FAM53A: variants seen among roughly 807,000 people sequenced by gnomAD.
FAM53A encodes protein FAM53A.
Under a neutral mutation model 26.6 loss-of-function variants are expected in FAM53A, and 28 were observed. That is an observed-to-expected ratio of 1.05 (90% CI 0.78 to 1.45). The LOEUF (loss-of-function observed/expected upper bound fraction) is 1.45, where lower values mean the gene tolerates loss of function less well. FAM53A is among the 40% of genes most tolerant of loss of function. The pLI is 0.00. For missense variants in FAM53A, 650 were observed against 575.8 expected, an observed-to-expected ratio of 1.13 and a Z score of -1.32; for synonymous variants, 290 against 253.1, an observed-to-expected ratio of 1.15 and a Z score of -1.38.
intron 2 of FAM53A, among the ~76,000 whole-genome samples, chr4:1,661,584 C>CCCCA (rs1713838854): frequency 6.6e-6 from 1 of 151,372 alleles, no homozygotes; most frequent in Non-Finnish European, 1.5e-5. Context: ...GAGATGCTGG[C>CCCCA]CCCACCCACC....
At chr4:1,679,066 G>C (rs925030711) in intron 1 of FAM53A, among the ~76,000 whole-genome samples, 1 of 152,124 alleles carries the variant, frequency 6.6e-6, no homozygotes, top group Non-Finnish European at 1.5e-5. Context: ...AAAAGACACT[G>C]TCAAGAGAAT....
the FAM53A span, among the ~76,000 whole-genome samples, chr4:1,582,210 T>G: frequency 2.0e-5 from 3 of 152,162 alleles, no homozygotes; most frequent in African/African-American, 7.2e-5. Context: ...ACTACTGATA[T>G]GATAAGAAGG....
chr4:1,615,507 G>A (rs562765668), downstream of FAM53A, among the ~76,000 whole-genome samples: 165 of 137,602 alleles, frequency 1.2e-3, no homozygotes, highest in Non-Finnish European at 2.1e-3. Context: ...GGGCACGCAC[G>A]GAAGACAGGA....
chr4:1,590,998 A>ATATATATG, the FAM53A span, among the ~76,000 whole-genome samples: 1 of 125,522 alleles, frequency 8.0e-6, no homozygotes, highest in South Asian at 2.4e-4. Flanking sequence ...ATATATATAT[A>ATATATATG]TATAATCATT....
intron 1 of FAM53A, among the ~76,000 whole-genome samples, chr4:1,626,064 G>A (rs1404541054): frequency 2.0e-5 from 3 of 152,204 alleles, no homozygotes; most frequent in African/African-American, 7.2e-5. Context: ...CTGCCAGGGT[G>A]CAGGGGAAGT....
At chr4:1,629,852 C>A (rs1376406754) in intron 1 of FAM53A, among the ~76,000 whole-genome samples, 1 of 151,230 alleles carries the variant, frequency 6.6e-6, no homozygotes, top group Admixed American at 6.6e-5. Context: ...ATCTCTGTGG[C>A]CAGAGGGCTG....
chr4:1,634,224 A>C (rs1715738935), intron 1 of FAM53A, among the ~76,000 whole-genome samples: 1 of 152,178 alleles, frequency 6.6e-6, no homozygotes, highest in Non-Finnish European at 1.5e-5. Context: ...TGCTTCGTGC[A>C]AACAGGACTC....
the FAM53A span, among the ~76,000 whole-genome samples, chr4:1,596,520 C>CA: frequency 3.3e-5 from 5 of 152,014 alleles, no homozygotes; most frequent in Non-Finnish European, 7.4e-5. Context: ...CCTGGCCCTC[C>CA]ACTGCCCACC....
chr4:1,657,637 G>A (rs1405107070), intron 2 of FAM53A, among the ~76,000 whole-genome samples, 169 bp from the exon 3 acceptor site: 1 of 152,080 alleles, frequency 6.6e-6, no homozygotes, highest in Admixed American at 6.6e-5. Context: ...CTGAGTAAAT[G>A]GACAATTTTT....
intron 3 of FAM53A, among the ~76,000 whole-genome samples, chr4:1,657,167 G>A (rs1467482394): frequency 6.6e-6 from 1 of 152,168 alleles, no homozygotes; most frequent in African/African-American, 2.4e-5. Context: ...AGCTGAGGAG[G>A]GAGAGACCTG....
chr4:1,632,903 G>C (rs760176168), intron 1 of FAM53A, among the ~76,000 whole-genome samples: 3 of 152,230 alleles, frequency 2.0e-5, no homozygotes, highest in Non-Finnish European at 4.4e-5. Context: ...TGCAGAAAAT[G>C]TAGGCACACA....
the FAM53A span, among the ~76,000 whole-genome samples, chr4:1,598,984 G>A: frequency 1.3e-5 from 2 of 152,272 alleles, no homozygotes; most frequent in Admixed American, 6.5e-5. Context: ...TCTCTGTAGC[G>A]TGCGCAGGGG....
intron 1 of FAM53A, among the ~76,000 whole-genome samples, chr4:1,681,870 A>G (rs1375000613): frequency 6.6e-6 from 1 of 152,158 alleles, no homozygotes; most frequent in Non-Finnish European, 1.5e-5. Context: ...AGGCTGCACC[A>G]TATCACCACA....
chr4:1,632,340 T>C (rs985803611), intron 1 of FAM53A, among the ~76,000 whole-genome samples: 3 of 152,012 alleles, frequency 2.0e-5, no homozygotes, highest in African/African-American at 4.8e-5. Context: ...GACAGGGAGA[T>C]AGTGGCCGCC....
chr4:1,602,427 A>C, the FAM53A span, among the ~76,000 whole-genome samples: 1 of 152,244 alleles, frequency 6.6e-6, no homozygotes, highest in Non-Finnish European at 1.5e-5. Context: ...GCTGCGGCAA[A>C]TGAAATGGTG....
chr4:1,619,465 G>A (rs1461405405), intron 1 of FAM53A, among the ~76,000 whole-genome samples: 10 of 152,196 alleles, frequency 6.6e-5, no homozygotes, highest in Admixed American at 6.5e-4. Flanking sequence ...GCCCACTTCA[G>A]GACTGGCCGG....
At chr4:1,664,349 G>A (rs17680543) in intron 2 of FAM53A, among the ~76,000 whole-genome samples, 39,797 of 152,008 alleles carry the variant, frequency 0.26, 6,099 homozygotes, top group Middle Eastern at 0.46. Context: ...AACAGCGCCC[G>A]CCTCGCTTGC....
At chr4:1,668,456 C>T (rs992333287) in intron 2 of FAM53A, among the ~76,000 whole-genome samples, 1 of 152,148 alleles carries the variant, frequency 6.6e-6, no homozygotes, top group Non-Finnish European at 1.5e-5. Flanking sequence ...TTTAATAAGT[C>T]TATTTTTTTT....
the FAM53A span, among the ~76,000 whole-genome samples, chr4:1,582,682 C>G: frequency 1.3e-5 from 2 of 152,056 alleles, no homozygotes; most frequent in Non-Finnish European, 2.9e-5. Flanking sequence ...ATGGTGAGAC[C>G]CCATCTCTAC....
Sources: allele counts gnomAD v4.1 joint callset (sites outside exome capture counted in the v4.1 genomes callset), GRCh38; gene constraint gnomAD v4.1.1; transcripts MANE v1.5; gene names NCBI Gene and HGNC (gene_info 2026-07-23, HGNC 2026-07-21).